Variants in GPR179 observed in about 807,000 individuals in gnomAD.
GPR179 encodes the protein probable G protein-coupled receptor 179.
A neutral mutation model predicts 70.8 loss-of-function variants in GPR179; 52 were observed. The observed-to-expected ratio is 0.73, with a 90% CI of 0.59 to 0.93. GPR179 has a LOEUF of 0.93. Ranked by LOEUF, GPR179 falls within the 40% of genes least tolerant of loss-of-function variation. The pLI is 0.00. For missense variants in GPR179, 2,734 were observed against 2,966.8 expected, an observed-to-expected ratio of 0.92 and a Z score of 1.82; for synonymous variants, 1,123 against 1,169.0, an observed-to-expected ratio of 0.96 and a Z score of 0.80.
At chr17:38,340,407 G>T (rs147496069) in intron 1 of GPR179, among the ~76,000 whole-genome samples, 1 of 152,202 alleles carries the variant, frequency 6.6e-6, no homozygotes, top group Admixed American at 6.5e-5. Flanking sequence ...CTCCCAAGTA[G>T]CTGGGACTAC....
Position 38,343,526 on chromosome 17 carries a change from C to T in GPR179, c.264G>A (p.Met88Ile). 2 of 1,613,776 alleles carry T rather than the reference C, an allele frequency of 1.2e-6. No homozygotes were observed. Among genetic ancestry groups the T allele is most frequent in the Non-Finnish European group, 1.7e-6 (2 of 1,180,008 alleles). Reference sequence around the variant, plus strand: ...CCTGTAGGCTTGGGGGGAGCCCTGGCATGGCTCCTGCCCCACGCGCTTCAT... The same window carrying T: ...CCTGTAGGCTTGGGGGGAGCCCTGGTATGGCTCCTGCCCCACGCGCTTCAT... ...ERYEARGAGA[M>I]PGLPPSLQGA... The change falls in exon 1 of 11, where the codon ATG (methionine) becomes ATA (isoleucine). Residue 88 changes from methionine to isoleucine, a missense_variant. Met to Ile is a conservative substitution (Grantham distance 10, BLOSUM62 1). Transcript: ENST00000616987. The surrounding 1 kb of genome is among the most constrained non-coding windows in gnomAD (Gnocchi z 4.2).
chr17:38,339,836 T>C (rs72832282), intron 1 of GPR179, among the ~76,000 whole-genome samples: 12,600 of 152,248 alleles, frequency 0.083, 695 homozygotes, highest in South Asian at 0.14. Flanking sequence ...CAAGAACTAT[T>C]ACTCTCATCT....
rs2037386862 is a variant in GPR179 at position 38,334,606 on chromosome 17, T to C, written c.1784+98A>G. On this transcript the variant is annotated intron_variant, in intron 8 of 10. Coordinates refer to ENST00000616987, the MANE Select transcript of GPR179 (RefSeq NM_001004334.4). This position sits in a 1 kb window ranked among gnomAD's most constrained non-coding sequence, Gnocchi z 4.7. The stretch of plus-strand genomic sequence containing the variant: ...TCGTCAACGTGCTGAGGCGTAGCAG[T>C]GTTGCCAGGATGGCATGGGATGGGG... 4.4e-6 allele frequency: 6 copies of C among 1,357,462 alleles called. No homozygotes were observed. In the Admixed American group the frequency reaches 1.1e-4, roughly 24 times the overall value. The allele number at this position is 1,357,462 out of a possible 1,614,324, so 84.1% of individuals were successfully genotyped here.
Position 38,343,652 on chromosome 17 carries a change from A to T in GPR179, c.138T>A (p.Ser46=), listed in dbSNP as rs1312214495. The change falls in exon 1 of 11, where the codon TCT becomes TCA. Residue 46 remains serine, a synonymous_variant. Transcript: ENST00000616987. This position sits in a 1 kb window ranked among gnomAD's most constrained non-coding sequence, Gnocchi z 4.2. ...PPLSSQVKPG[S]VPMQVPLEGA... is the part of the protein sequence containing the mutation. ...CCTCTAGGGGCACCTGCATGGGTAC[A>T]GATCCTGGCTTGACTTGGGAAGACA... is the stretch of plus-strand genomic sequence containing the variant. 2 of 1,613,072 alleles carry T rather than the reference A, an allele frequency of 1.2e-6. No homozygotes were observed. The highest frequency in any genetic ancestry group is 1.7e-6 in the Non-Finnish European group (2 of 1,179,478).
rs1427698594 is a variant in GPR179 at position 38,326,810 on chromosome 17, T to C, written c.6759A>G (p.Glu2253=). Residue 2253 remains glutamate (E), a synonymous_variant, in exon 11 of 11, where the codon GAA becomes GAG. Coordinates refer to ENST00000616987, the MANE Select transcript of GPR179 (RefSeq NM_001004334.4). ...TTGCTGTTAAAGCCAGGAGGCCAGA[T>C]TCCTCAGATGGGACTCCAGTTTCCT... ...PGEETGVPSE[E]SGLLALTATR... 6.2e-7 allele frequency: 1 copy of C among 1,614,204 alleles called. No individual in the cohort carries two copies. Among genetic ancestry groups the C allele is most frequent in the East Asian group, 2.2e-5 (1 of 44,886 alleles).
Position 38,333,938 on chromosome 17 carries a change from G to C in GPR179, c.1885C>G (p.Pro629Ala). 1 of 1,611,772 alleles carries C rather than the reference G, an allele frequency of 6.2e-7. No individual in the cohort carries two copies. Among genetic ancestry groups the C allele is most frequent in the Non-Finnish European group, 8.5e-7 (1 of 1,178,214 alleles). ...GCAGGAGGGGAGGGCCTCACCTTAG[G>C]GATGAAGATCAGAGCCAGCGTGGTG... ...VTTTLALIFI[P>A]KFWKLGAPPR... Residue 629 changes from proline (P) to alanine (A), a missense_variant, in exon 9 of 11, where the codon CCT (proline) becomes GCT (alanine). Transcript: ENST00000616987.
At chr17:38,339,805 C>T (rs1806285483) in intron 1 of GPR179, among the ~76,000 whole-genome samples, 2 of 152,186 alleles carry the variant, frequency 1.3e-5, no homozygotes, top group South Asian at 4.1e-4. Context: ...AATCCCCCTC[C>T]CCCAGAGCAA....
intron 1 of GPR179, among the ~76,000 whole-genome samples, chr17:38,340,054 T>G (rs924176289): frequency 1.3e-5 from 2 of 152,252 alleles, no homozygotes; most frequent in African/African-American, 4.8e-5. Flanking sequence ...TCATAGACTT[T>G]TTTGTCCAAT....
chr17:38,335,585 C>A lies in GPR179; in HGVS notation c.1406+6G>T. ...GCATGAGAGCAAAGTCTGCCCCAGG[C>A]CGTACCTGTAAAGCTTGAGTATGAT... On this transcript the variant is annotated splice_donor_region_variant and intron_variant, in intron 6 of 10. Transcript: ENST00000616987. 6.3e-7 allele frequency: 1 copy of A among 1,598,038 alleles called. No individual in the cohort carries two copies. The highest frequency in any genetic ancestry group is 8.6e-7 in the Non-Finnish European group (1 of 1,165,442).
Position 38,329,944 on chromosome 17 carries a change from C to G in GPR179, c.3625G>C (p.Asp1209His), listed in dbSNP as rs1407579033. The change falls in exon 11 of 11, where the codon GAC (aspartate) becomes CAC (histidine). Residue 1209 changes from aspartate to histidine, a missense_variant. Transcript: ENST00000616987. ...GLAMLRQVSR[D>H]KNIKQSKETP... ...TCTTTTGATTGCTTGATGTTTTTGTCCCTGGAAACTTGCCTCAGCATGGCA... is the reference window on the plus strand; with the variant it reads ...TCTTTTGATTGCTTGATGTTTTTGTGCCTGGAAACTTGCCTCAGCATGGCA... 6.2e-7 allele frequency: 1 copy of G among 1,614,218 alleles called. No homozygotes were observed. The highest frequency in any genetic ancestry group is 1.1e-5 in the South Asian group (1 of 91,092).
intron 3 of GPR179, 41 bp from the exon 4 acceptor site, chr17:38,337,254 A>G: frequency 1.3e-6 from 2 of 1,545,944 alleles, no homozygotes; most frequent in Non-Finnish European, 1.7e-6. Flanking sequence ...GGGCCCAGCT[A>G]GAGCATCCTG....
At position 38,343,490 on chromosome 17, in the gene GPR179, G is replaced by A. The variant is rs1269857372; in HGVS notation, c.300C>T (p.Gly100=). Residue 100 remains glycine, a synonymous_variant, in exon 1 of 11, where the codon GGC becomes GGT. Transcript: ENST00000616987. The surrounding 1 kb of genome is among the most constrained non-coding windows in gnomAD (Gnocchi z 4.2). Reference sequence around the variant, plus strand: ...GAAAATTGGCGGCCTGGGCAAGGGTGCCCGCTGCCCCCTGTAGGCTTGGGG... The same window carrying A: ...GAAAATTGGCGGCCTGGGCAAGGGTACCCGCTGCCCCCTGTAGGCTTGGGG... ...GLPPSLQGAA[G]TLAQAANFLN... 2 of 1,613,884 alleles carry A rather than the reference G, an allele frequency of 1.2e-6. No individual in the cohort carries two copies.
rs35803744 is a variant in GPR179 at position 38,329,870 on chromosome 17, C to T, written c.3699G>A (p.Leu1233=). 101 of 1,613,996 alleles carry T rather than the reference C, an allele frequency of 6.3e-5. No homozygotes were observed. The highest frequency in any genetic ancestry group is 7.9e-5 in the Non-Finnish European group (93 of 1,180,048). ...CTGCCACCCTGTGGTCAGCGCTGCC[C>T]AGGGACTGGAGGCCAGCTTTGGGCA... The part of the protein sequence containing the change: ...QELPKAGLQS[L]GSADHRVAEV... Residue 1233 remains leucine, a synonymous_variant, in exon 11 of 11, where the codon CTG becomes CTA. Coordinates refer to ENST00000616987, the MANE Select transcript of GPR179 (RefSeq NM_001004334.4).
chr17:38,324,848 T>C lies in GPR179; in HGVS notation c.*1617A>G, dbSNP rs936664102. On this transcript the variant is annotated 3_prime_UTR_variant, in exon 11 of 11. Coordinates refer to ENST00000616987, the MANE Select transcript of GPR179 (RefSeq NM_001004334.4). Reference sequence around the variant, plus strand: ...TGGTCCCCAAAGGAGAGTAGGTTACTCCATTCCTCTGTTCCCTTTTGGAAA... The same window carrying C: ...TGGTCCCCAAAGGAGAGTAGGTTACCCCATTCCTCTGTTCCCTTTTGGAAA... Among the ~76,000 whole-genome samples the C allele has an allele frequency of 3.3e-5, 5 of 152,252 alleles. No homozygotes were observed. The highest frequency in any genetic ancestry group is 1.2e-4 in the African/African-American group (5 of 41,476).
chr17:38,343,896 C>A lies in GPR179; in HGVS notation c.-107G>T. On this transcript the variant is annotated 5_prime_UTR_variant, in exon 1 of 11. Coordinates refer to ENST00000616987, the MANE Select transcript of GPR179 (RefSeq NM_001004334.4). The surrounding 1 kb of genome is among the most constrained non-coding windows in gnomAD (Gnocchi z 4.2). ...CCTCCACGCCTCCTATGCTGGCGTT[C>A]CTTCTTCCTCTCTCCGTCTCCCTCT... 2 of 889,748 alleles carry A rather than the reference C, an allele frequency of 2.2e-6. No homozygotes were observed. Among genetic ancestry groups the A allele is most frequent in the South Asian group, 4.0e-5 (2 of 50,114 alleles). The allele number at this position is 889,748 out of a possible 1,614,324, so 55.1% of individuals were successfully genotyped here. A position where few individuals can be genotyped will look rare whatever the true frequency, so the allele number is the denominator to read the frequency against.
chr17:38,326,291 C>T lies in GPR179; in HGVS notation c.*174G>A. 1.7e-6 allele frequency: 1 copy of T among 579,006 alleles called. No individual in the cohort carries two copies. Among genetic ancestry groups the T allele is most frequent in the Non-Finnish European group, 3.0e-6 (1 of 328,134 alleles). 35.9% of individuals were successfully genotyped at this position (579,006 alleles called of 1,614,324 possible). On this transcript the variant is annotated 3_prime_UTR_variant, in exon 11 of 11. Transcript: ENST00000616987. ...AGAGGGTGGGCCTTCCCATTGGGGTCTAAGCTGTACCCTTTTCATGCAGTT... is the reference window on the plus strand; with the variant it reads ...AGAGGGTGGGCCTTCCCATTGGGGTTTAAGCTGTACCCTTTTCATGCAGTT...
chr17:38,336,113 T>G lies in GPR179; in HGVS notation c.1259A>C (p.Glu420Ala). 13 of 1,613,652 alleles carry G rather than the reference T, an allele frequency of 8.1e-6. No individual in the cohort carries two copies. Among genetic ancestry groups the G allele is most frequent in the Non-Finnish European group, 1.1e-5 (13 of 1,179,580 alleles). Residue 420 changes from glutamate to alanine, a missense_variant, in exon 5 of 11, where the codon GAA (glutamate) becomes GCA (alanine). Physicochemically the swap from Glu to Ala is moderately radical, Grantham distance 107. Coordinates refer to ENST00000616987, the MANE Select transcript of GPR179 (RefSeq NM_001004334.4). The part of the protein sequence containing the change: ...RIWASGVVLL[E>A]TVLFGFLLLY... ...CAGCAGGAATCCAAAAAGGACAGTT[T>G]CCAGCAGGACCACTCCAGATGCCCA...
Position 38,331,249 on chromosome 17 carries a change from T to A in GPR179, c.2320A>T (p.Thr774Ser), listed in dbSNP as rs375465705. The A allele has an allele frequency of 4.4e-6, 7 of 1,587,786 alleles. No individual in the cohort carries two copies. In the African/African-American group the frequency reaches 8.0e-5, roughly 18 times the overall value. Residue 774 changes from threonine to serine, a missense_variant, in exon 11 of 11, where the codon ACC becomes TCC. Transcript: ENST00000616987. Reference sequence around the variant, plus strand: ...TCCTGCTCCCTGCGCTGGTCATAGGTGCTGCGGGACTTGTGCAGAGCTGGT... The same window carrying A: ...TCCTGCTCCCTGCGCTGGTCATAGGAGCTGCGGGACTTGTGCAGAGCTGGT... The part of the protein sequence containing the change: ...GTPALHKSRS[T>S]YDQRREQDPP...
chr17:38,342,110 C>G (rs943020735), intron 1 of GPR179, among the ~76,000 whole-genome samples: 1 of 150,504 alleles, frequency 6.6e-6, no homozygotes. Context: ...GAGCGAGACT[C>G]TGTCTTGAAA....
Sources: gnomAD v4.1 joint callset for allele counts (sites outside exome capture counted in the v4.1 genomes callset) on GRCh38, gnomAD v4.1.1 for gene constraint, Gnocchi (gnomAD v3.1) non-coding constraint, MANE v1.5 for transcripts, NCBI Gene and HGNC (gene_info 2026-07-23, HGNC 2026-07-21) for gene names.